Variants in TTC12 observed in about 807,000 individuals in gnomAD.
The protein encoded by TTC12 is tetratricopeptide repeat domain 12.
Under a neutral mutation model 90.1 loss-of-function variants are expected in TTC12, and 70 were observed. That is an observed-to-expected ratio of 0.78 (90% CI 0.64 to 0.95). TTC12 has a LOEUF of 0.95. TTC12 is among the 40% of genes least tolerant of loss of function. The pLI is 0.00. For synonymous variants in TTC12, 296 were observed against 311.5 expected (o/e 0.95, Z 0.53); for missense variants, 819 against 846.1 (o/e 0.97, Z 0.40).
chr11:113,333,678 C>T (rs1347135486), intron 7 of TTC12, among the ~76,000 whole-genome samples: 2 of 152,124 alleles, frequency 1.3e-5, no homozygotes, highest in East Asian at 1.9e-4. Context: ...CCATAAAGCT[C>T]AGTGCCTGGC....
chr11:113,320,455 G>A (rs782512005), intron 2 of TTC12, among the ~76,000 whole-genome samples: 1 of 152,098 alleles, frequency 6.6e-6, no homozygotes, highest in Admixed American at 6.5e-5. Context: ...CAGCCAGAGG[G>A]GAGTTGGGCC....
intron 6 of TTC12, chr11:113,329,711 C>T: frequency 1.6e-6 from 1 of 631,820 alleles, no homozygotes; most frequent in South Asian, 1.5e-5. Flanking sequence ...TTCCCTAAGC[C>T]CTGCCTTCAC....
intron 6 of TTC12, among the ~76,000 whole-genome samples, chr11:113,326,355 A>G (rs570505101): frequency 2.2e-4 from 33 of 152,298 alleles, no homozygotes; most frequent in African/African-American, 7.2e-4. Context: ...TGTGTGGTAG[A>G]GTTCTCTGCT....
At chr11:113,352,585 T>G (rs1555150815) in intron 16 of TTC12, among the ~76,000 whole-genome samples, 1 of 152,094 alleles carries the variant, frequency 6.6e-6, no homozygotes, top group Non-Finnish European at 1.5e-5. Flanking sequence ...CTATTATTTA[T>G]TTTTCCTCAT....
At chr11:113,340,222 T>C (rs1189446988) in intron 10 of TTC12, among the ~76,000 whole-genome samples, 5 of 152,264 alleles carry the variant, frequency 3.3e-5, no homozygotes, top group Non-Finnish European at 7.3e-5. Context: ...TTCTCTTTAG[T>C]GTACAATGGA....
At chr11:113,340,839 C>A in intron 11 of TTC12, 106 bp downstream of exon 11, 1 of 950,172 alleles carries the variant, frequency 1.1e-6, no homozygotes, top group East Asian at 2.5e-5. Context: ...TGAACATTAC[C>A]CCCCTTCAGT....
chr11:113,324,555 T>A, intron 4 of TTC12, 50 bp from the exon 5 acceptor site: 4 of 1,502,972 alleles, frequency 2.7e-6, no homozygotes, highest in South Asian at 2.3e-5. Flanking sequence ...AAGAACTGAT[T>A]ATAGTATTTG....
intron 8 of TTC12, among the ~76,000 whole-genome samples, chr11:113,338,453 T>C (rs1172231570): frequency 6.6e-6 from 1 of 152,226 alleles, no homozygotes; most frequent in Non-Finnish European, 1.5e-5. Context: ...AAATATCATA[T>C]CTAAGTTTTG....
chr11:113,370,827 T>G (rs1950362118), downstream of TTC12, among the ~76,000 whole-genome samples: 1 of 152,230 alleles, frequency 6.6e-6, no homozygotes. Context: ...CTGCCAGATG[T>G]GCTGATTCAG....
intron 6 of TTC12, among the ~76,000 whole-genome samples, chr11:113,328,040 G>A (rs897796677): frequency 6.6e-6 from 1 of 152,214 alleles, no homozygotes; most frequent in Non-Finnish European, 1.5e-5. Flanking sequence ...GCTTGTCCAT[G>A]TAAGTATCTC....
At chr11:113,323,963 T>C in intron 3 of TTC12, 31 bp from the exon 4 acceptor site, 12 of 1,598,016 alleles carry the variant, frequency 7.5e-6, no homozygotes, top group Non-Finnish European at 1.0e-5. Flanking sequence ...GAAATTTGTT[T>C]CTTTGTTTTT....
At chr11:113,329,658 C>G in intron 6 of TTC12, 1 of 562,422 alleles carries the variant, frequency 1.8e-6, no homozygotes, top group East Asian at 4.1e-5. Context: ...TAATGGCTGT[C>G]CACTGTTGCT....
intron 16 of TTC12, among the ~76,000 whole-genome samples, chr11:113,353,398 T>C (rs559220121): frequency 6.6e-6 from 1 of 152,314 alleles, no homozygotes; most frequent in African/African-American, 2.4e-5. Flanking sequence ...TTGCAAAAAC[T>C]TTCTCCCATT....
intron 18 of TTC12, among the ~76,000 whole-genome samples, chr11:113,361,553 T>C (rs1555155014): frequency 2.7e-5 from 4 of 150,758 alleles, no homozygotes; most frequent in African/African-American, 9.8e-5. Context: ...TACAAGGCAG[T>C]GGAGCTGCGT....
chr11:113,346,577 A>G (rs1948977742), intron 13 of TTC12, among the ~76,000 whole-genome samples: 2 of 151,966 alleles, frequency 1.3e-5, no homozygotes, highest in South Asian at 4.1e-4. Flanking sequence ...TACCAGCTGG[A>G]TCGGTCCCTT....
rs562460825 is a variant in TTC12 at position 113,343,509 on chromosome 11, A to G, written c.986-763A>G. Among the ~76,000 whole-genome samples the G allele has an allele frequency of 2.6e-5, 4 of 152,310 alleles. No individual in the cohort carries two copies. The South Asian group carries it at 6.2e-4, about 24-fold the overall frequency. The stretch of plus-strand genomic sequence containing the variant: ...CTGTTACTCTGGCTCTTTCAGGGCT[A>G]GAAGAGACCTGGTGTGTGTCTTCTA... On this transcript the variant is annotated intron_variant, in intron 12 of 21. Transcript: ENST00000529221.
chr11:113,329,120 A>G (rs1463803048), intron 6 of TTC12, among the ~76,000 whole-genome samples: 2 of 152,178 alleles, frequency 1.3e-5, no homozygotes, highest in Non-Finnish European at 2.9e-5. Context: ...ATGGATGTAT[A>G]TTTATATTCT....
intron 21 of TTC12, among the ~76,000 whole-genome samples, chr11:113,372,198 A>G (rs760191814): frequency 6.6e-6 from 1 of 152,192 alleles, no homozygotes; most frequent in African/African-American, 2.4e-5. Context: ...TGAAATGTAC[A>G]TTCTGTGGTA....
chr11:113,371,326 T>TAA (rs1321579052), downstream of TTC12: 4 of 152,240 alleles, frequency 2.6e-5, no homozygotes, highest in African/African-American at 9.7e-5. Context: ...TAACACAATG[T>TAA]AAATTCTATG....
Sources: allele counts gnomAD v4.1 joint callset (sites outside exome capture counted in the v4.1 genomes callset), GRCh38; gene constraint gnomAD v4.1.1; transcripts MANE v1.5; gene names NCBI Gene and HGNC (gene_info 2026-07-23, HGNC 2026-07-21).